PHACTR1: variants seen among roughly 807,000 people sequenced by gnomAD.
The protein encoded by PHACTR1 is phosphatase and actin regulator 1, also known as RPEL repeat containing 1.
Under a neutral mutation model 69.2 loss-of-function variants are expected in PHACTR1, and 16 were observed. That is an observed-to-expected ratio of 0.23 (90% CI 0.16 to 0.35). The LOEUF is 0.35. Ranked by LOEUF, PHACTR1 falls within the 10% of genes least tolerant of loss-of-function variation. The pLI is 1.00. For missense variants in PHACTR1, 510 were observed against 734.7 expected (o/e 0.69, Z 3.54); for synonymous variants, 312 against 284.5 (o/e 1.10, Z -0.97).
chr6:13,250,490 A>G (rs1219573195), intron 10 of PHACTR1, among the ~76,000 whole-genome samples: 1 of 152,230 alleles, frequency 6.6e-6, no homozygotes, highest in Non-Finnish European at 1.5e-5. Context: ...AGCTACTTCA[A>G]GGACAACCAG....
chr6:13,182,088 C>T (rs999126581), intron 6 of PHACTR1, among the ~76,000 whole-genome samples: 1 of 151,952 alleles, frequency 6.6e-6, no homozygotes, highest in Non-Finnish European at 1.5e-5. Context: ...ACAAAATTAG[C>T]CGGGTGTGGT....
chr6:12,904,148 A>T (rs1785477842), intron 4 of PHACTR1, among the ~76,000 whole-genome samples: 1 of 152,224 alleles, frequency 6.6e-6, no homozygotes, highest in Non-Finnish European at 1.5e-5. Flanking sequence ...TTTATTAAAT[A>T]ACCAAAACAT....
intron 10 of PHACTR1, among the ~76,000 whole-genome samples, chr6:13,240,601 C>T (rs1372861149): frequency 2.6e-5 from 4 of 151,964 alleles, no homozygotes; most frequent in Non-Finnish European, 5.9e-5. Flanking sequence ...AGTGTGCCAC[C>T]ACACCTGGCT....
At chr6:12,728,117 G>A (rs1298741470) in intron 3 of PHACTR1, among the ~76,000 whole-genome samples, 1 of 152,080 alleles carries the variant, frequency 6.6e-6, no homozygotes, top group Non-Finnish European at 1.5e-5. Flanking sequence ...TTAGAGACTA[G>A]CCTGGGCAAA....
intron 4 of PHACTR1, among the ~76,000 whole-genome samples, chr6:12,855,213 C>A (rs1423548554): frequency 1.3e-5 from 2 of 152,150 alleles, no homozygotes. Context: ...CCATAAAAAA[C>A]CAATTGGCCG....
chr6:12,765,169 C>A (rs1213387939), intron 4 of PHACTR1, among the ~76,000 whole-genome samples: 1 of 152,074 alleles, frequency 6.6e-6, no homozygotes, highest in African/African-American at 2.4e-5. Flanking sequence ...AACATAAAAC[C>A]TTGATGTGGT....
At position 13,007,532 on chromosome 6, in the gene PHACTR1, A is replaced by T. The variant is rs544742522; in HGVS notation, c.251-45833A>T. Among the ~76,000 whole-genome samples, 3 of 152,256 alleles carry T rather than the reference A, an allele frequency of 2.0e-5. No homozygotes were observed. The South Asian group carries it at 6.2e-4, about 32-fold the overall frequency. ...TAAGAGTCTTCCTTGGATATTAGCG[A>T]TACAGGCTTTAGAAATGCTTAATGT... On this transcript the variant is annotated intron_variant, in intron 4 of 14. Coordinates refer to ENST00000332995, the MANE Select transcript of PHACTR1 (RefSeq NM_030948.6).
At chr6:13,013,859 C>T (rs1799772068) in intron 4 of PHACTR1, among the ~76,000 whole-genome samples, 1 of 148,488 alleles carries the variant, frequency 6.7e-6, no homozygotes, top group Non-Finnish European at 1.5e-5. Context: ...GCCGGAGCAG[C>T]GCCCGGCCCC....
chr6:12,880,903 A>T (rs187195466), intron 4 of PHACTR1, among the ~76,000 whole-genome samples: 57 of 152,342 alleles, frequency 3.7e-4, no homozygotes, highest in Middle Eastern at 3.4e-3. Context: ...GCTTTTGATT[A>T]TCAGGCTGTG....
chr6:12,826,562 T>C (rs1436781037), intron 4 of PHACTR1, among the ~76,000 whole-genome samples: 2 of 152,216 alleles, frequency 1.3e-5, no homozygotes, highest in Non-Finnish European at 2.9e-5. Context: ...GAAGAAAGCA[T>C]ACAGGAGTTC....
At chr6:13,026,126 A>G (rs954567203) in intron 4 of PHACTR1, among the ~76,000 whole-genome samples, 1 of 152,260 alleles carries the variant, frequency 6.6e-6, no homozygotes, top group African/African-American at 2.4e-5. Context: ...TGAAAATATC[A>G]TAGCCTAAAT....
intron 4 of PHACTR1, among the ~76,000 whole-genome samples, chr6:13,005,739 G>A (rs1012088264): frequency 4.6e-5 from 7 of 151,920 alleles, no homozygotes; most frequent in South Asian, 2.1e-4. Context: ...TGTTTTCCTC[G>A]GTGAATTCGA....
intron 5 of PHACTR1, among the ~76,000 whole-genome samples, chr6:13,152,480 G>A (rs1262770227): frequency 1.3e-5 from 2 of 152,200 alleles, no homozygotes; most frequent in African/African-American, 4.8e-5. Flanking sequence ...TGACATGGTG[G>A]CTCAGAAGAG....
chr6:12,783,865 A>G (rs1343906114), intron 4 of PHACTR1, among the ~76,000 whole-genome samples: 2 of 152,184 alleles, frequency 1.3e-5, no homozygotes, highest in Non-Finnish European at 2.9e-5. Context: ...CACTGTAGGT[A>G]ATTGCTGTAG....
rs1773448880 is a variant in PHACTR1 at position 13,245,364 on chromosome 6, A to T, written c.1391+15171A>T. Among the ~76,000 whole-genome samples the T allele has an allele frequency of 1.3e-5, 2 of 152,142 alleles. No individual in the cohort carries two copies. Among genetic ancestry groups the T allele is most frequent in the Non-Finnish European group, 2.9e-5 (2 of 68,018 alleles). Reference sequence around the variant, plus strand: ...TTATTTTTTGACTTTTTAATAATAGACATTCTGACTGGTGTGAGATGATAT... The same window carrying T: ...TTATTTTTTGACTTTTTAATAATAGTCATTCTGACTGGTGTGAGATGATAT... On this transcript the variant is annotated intron_variant, in intron 10 of 14. Coordinates refer to ENST00000332995, the MANE Select transcript of PHACTR1 (RefSeq NM_030948.6). The surrounding 1 kb of genome is among the most constrained non-coding windows in gnomAD (Gnocchi z 4.1).
chr6:13,267,838 G>GGAAAAAAAAAAA (rs1362103977), intron 10 of PHACTR1: 1 of 101,084 alleles, frequency 9.9e-6, no homozygotes, highest in African/African-American at 5.2e-5. Context: ...GGAATGATCT[G>GGAAAAAAAAAAA]AAAAAAAAAA....
At chr6:13,235,116 T>C (rs1158078309) in intron 10 of PHACTR1, among the ~76,000 whole-genome samples, 1 of 152,236 alleles carries the variant, frequency 6.6e-6, no homozygotes, top group African/African-American at 2.4e-5. Flanking sequence ...TAGAATCCAC[T>C]GGTTTGAGTG....
chr6:12,975,140 T>C (rs764193011), intron 4 of PHACTR1, among the ~76,000 whole-genome samples: 7 of 152,168 alleles, frequency 4.6e-5, no homozygotes, highest in Non-Finnish European at 8.8e-5. Context: ...TGGGGAAGTA[T>C]GGGAAATGAA....
rs1407455130 is a variant in PHACTR1 at position 13,230,149 on chromosome 6, G to A, written c.1347G>A (p.Glu449=). 6.2e-7 allele frequency: 1 copy of A among 1,611,364 alleles called. No individual in the cohort carries two copies. The highest frequency in any genetic ancestry group is 1.1e-5 in the South Asian group (1 of 90,242). Residue 449 remains glutamate (E), a synonymous_variant, in exon 10 of 15, where the codon GAG becomes GAA. Coordinates refer to ENST00000332995, the MANE Select transcript of PHACTR1 (RefSeq NM_030948.6). Reference sequence around the variant, plus strand: ...ACATCCTTCCCAGGCAGACGGATGAGGAGCGGCTGGAGCTGAGGCAACAGA... The same window carrying A: ...ACATCCTTCCCAGGCAGACGGATGAAGAGCGGCTGGAGCTGAGGCAACAGA... ...EKNILPRQTD[E]ERLELRQQIG...
Sources: allele counts gnomAD v4.1 joint callset (sites outside exome capture counted in the v4.1 genomes callset), GRCh38; gene constraint gnomAD v4.1.1; non-coding constraint Gnocchi (gnomAD v3.1); transcripts MANE v1.5; gene names NCBI Gene and HGNC (gene_info 2026-07-23, HGNC 2026-07-21).